CPAP: variants seen among roughly 807,000 people sequenced by gnomAD.
The protein encoded by CPAP is centrosome assembly and centriole elongation protein, also known as centrosomal P4.1-associated protein.
chr13:24,899,577 T>C, the CPAP span: 2 of 1,613,442 alleles, frequency 1.2e-6, no homozygotes, highest in Non-Finnish European at 1.7e-6. Flanking sequence ...AAGTCTGCAA[T>C]TTCTTTCCTA....
chr13:24,895,266 C>T, the CPAP span, among the ~76,000 whole-genome samples: 1 of 152,232 alleles, frequency 6.6e-6, no homozygotes, highest in South Asian at 2.1e-4. Context: ...GATGCCAGAC[C>T]CCGAGCAGGT....
chr13:24,886,882 G>A, the CPAP span, among the ~76,000 whole-genome samples: 1 of 152,176 alleles, frequency 6.6e-6, no homozygotes, highest in Non-Finnish European at 1.5e-5. Context: ...ATTCTTCCCA[G>A]GCTGATTATG....
the CPAP span, among the ~76,000 whole-genome samples, chr13:24,919,369 AGAT>A: frequency 6.6e-6 from 1 of 152,198 alleles, no homozygotes; most frequent in Admixed American, 6.5e-5. Context: ...ATTTACAAAG[AGAT>A]GATATCAATT....
the CPAP span, among the ~76,000 whole-genome samples, chr13:24,890,406 C>T: frequency 6.6e-6 from 1 of 152,168 alleles, no homozygotes; most frequent in Non-Finnish European, 1.5e-5. Context: ...CCCCTGACCA[C>T]GCTCACAGCT....
At chr13:24,911,517 C>A in the CPAP span, among the ~76,000 whole-genome samples, 1 of 152,020 alleles carries the variant, frequency 6.6e-6, no homozygotes, top group East Asian at 1.9e-4. Flanking sequence ...AGCTCTAGGC[C>A]AAATCTGACT....
the CPAP span, among the ~76,000 whole-genome samples, chr13:24,915,761 T>G: frequency 5.9e-5 from 9 of 152,292 alleles, 1 homozygote; most frequent in South Asian, 1.9e-3. Context: ...ATAGCGTTAT[T>G]GCACTCCAGC....
chr13:24,905,270 T>G, the CPAP span: 1 of 1,364,272 alleles, frequency 7.3e-7, no homozygotes, highest in Middle Eastern at 1.8e-4. Flanking sequence ...GTTAGGATTT[T>G]AAGCATTCTG....
chr13:24,914,683 G>A, the CPAP span, among the ~76,000 whole-genome samples: 10 of 152,260 alleles, frequency 6.6e-5, 1 homozygote, highest in Admixed American at 5.2e-4. Context: ...TTCTGAGGTG[G>A]CAGGATTGCT....
chr13:24,933,347 G>T, the CPAP span: 3 of 438,724 alleles, frequency 6.8e-6, no homozygotes, highest in South Asian at 8.0e-5. Context: ...TCCCTGAACC[G>T]CAGGACAATT....
At chr13:24,912,359 C>G in the CPAP span, among the ~76,000 whole-genome samples, 1 of 152,190 alleles carries the variant, frequency 6.6e-6, no homozygotes, top group Non-Finnish European at 1.5e-5. Flanking sequence ...AATACTTGAT[C>G]AACCATTTCT....
chr13:24,884,386 C>T, the CPAP span: 3 of 1,614,074 alleles, frequency 1.9e-6, no homozygotes, highest in Non-Finnish European at 2.5e-6. Context: ...TGATGGTCTT[C>T]CCATCTGCAC....
chr13:24,883,119 TG>T, the CPAP span: 33 of 1,392,472 alleles, frequency 2.4e-5, no homozygotes, highest in Non-Finnish European at 3.4e-5. Context: ...CCACAGTAAA[TG>T]TACATTTTTT....
At chr13:24,884,104 G>A in the CPAP span, 1 of 1,609,874 alleles carries the variant, frequency 6.2e-7, no homozygotes. Context: ...AGTTGTTACA[G>A]TAAATATTTT....
At chr13:24,931,074 G>C in the CPAP span, among the ~76,000 whole-genome samples, 1 of 152,090 alleles carries the variant, frequency 6.6e-6, no homozygotes, top group Non-Finnish European at 1.5e-5. Flanking sequence ...CTTTTTTCAT[G>C]TTTGTTGACC....
the CPAP span, among the ~76,000 whole-genome samples, chr13:24,930,226 C>T: frequency 1.3e-5 from 2 of 152,108 alleles, no homozygotes; most frequent in East Asian, 3.9e-4. Context: ...TTTAACTATA[C>T]AATTTTTTTG....
chr13:24,915,826 A>C, the CPAP span, among the ~76,000 whole-genome samples: 1 of 150,680 alleles, frequency 6.6e-6, no homozygotes, highest in Admixed American at 6.6e-5. Context: ...ACAACAACAA[A>C]AACAGATAAG....
chr13:24,909,965 T>C, the CPAP span: 2 of 1,614,192 alleles, frequency 1.2e-6, no homozygotes, highest in Non-Finnish European at 1.7e-6. Flanking sequence ...ACGGGTATGT[T>C]TCTTCCTGGG....
the CPAP span, among the ~76,000 whole-genome samples, chr13:24,916,507 T>C: frequency 6.6e-6 from 1 of 152,316 alleles, no homozygotes; most frequent in East Asian, 1.9e-4. Flanking sequence ...ATTACCATTT[T>C]TTTCCCACCC....
At chr13:24,882,329 T>C in the CPAP span, 2 of 151,904 alleles carry the variant, frequency 1.3e-5, no homozygotes, top group Admixed American at 1.3e-4. Context: ...CTGGAATTGA[T>C]AGATTTCATT....
Sources: allele counts gnomAD v4.1 joint callset (sites outside exome capture counted in the v4.1 genomes callset), GRCh38; gene constraint gnomAD v4.1.1; transcripts MANE v1.5; gene names NCBI Gene and HGNC (gene_info 2026-07-23, HGNC 2026-07-21).